The following DGKH variants were observed in gnomAD, a reference collection of about 807,000 sequenced individuals.
DGKH encodes the protein DAG kinase eta.
Under a neutral mutation model 159.3 loss-of-function variants are expected in DGKH, and 90 were observed. That is an observed-to-expected ratio of 0.57 (90% CI 0.48 to 0.67). The LOEUF (loss-of-function observed/expected upper bound fraction) is 0.67. DGKH is among the 30% of genes least tolerant of loss of function. DGKH has a pLI of 0.00. For synonymous variants in DGKH, 536 were observed against 553.8 expected (o/e 0.97, Z 0.45); for missense variants, 1,181 against 1,506.1 (o/e 0.78, Z 3.57).
chr13:42,194,761 A>G lies in DGKH; in HGVS notation c.2036-124A>G, dbSNP rs977681991. ...TCTCAAGAAAATGTAAACGATAGCT[A>G]TGCATAATATTTTCATTTCTACTGA... On this transcript the variant is annotated intron_variant, in intron 16 of 29. Transcript: ENST00000337343. 6 of 1,112,868 alleles carry G rather than the reference A, an allele frequency of 5.4e-6. No homozygotes were observed. The Admixed American group carries it at 9.0e-5, about 17-fold the overall frequency. The allele number at this position is 1,112,868 out of a possible 1,614,324, so 68.9% of individuals were successfully genotyped here.
intron 1 of DGKH, among the ~76,000 whole-genome samples, chr13:42,099,894 A>C (rs2137770746): frequency 6.6e-6 from 1 of 152,314 alleles, no homozygotes; most frequent in East Asian, 1.9e-4. Flanking sequence ...GGGGTCTATA[A>C]GAATTGTTCT....
rs1020572101 is a variant in DGKH at position 42,237,497 on chromosome 13, A to G, written c.*8309A>G. 5 of 152,262 alleles carry G rather than the reference A, an allele frequency of 3.3e-5. No homozygotes were observed. The highest frequency in any genetic ancestry group is 1.2e-4 in the African/African-American group (5 of 41,478). 9.4% of individuals were successfully genotyped at this position (152,262 alleles called of 1,614,324 possible). A position where few individuals can be genotyped will look rare whatever the true frequency, so the allele number is the denominator to read the frequency against. On this transcript the variant is annotated 3_prime_UTR_variant, in exon 30 of 30. Coordinates refer to ENST00000337343, the MANE Select transcript of DGKH (RefSeq NM_178009.5). ...AAAGATTTGGGAACAAATAGTTTGA[A>G]CATAGATTTCTTTCACCTTATATGA...
chr13:42,068,968 T>A (rs1002093604), intron 1 of DGKH: 18 of 1,482,930 alleles, frequency 1.2e-5, no homozygotes, highest in Non-Finnish European at 1.7e-5. Flanking sequence ...GTATGTTTGA[T>A]GAGGAATTTG....
In DGKH at chr13:42,166,542, G is replaced by A. The variant is rs139002109; in HGVS notation, c.986G>A (p.Cys329Tyr). ...DGFCRATFSF[C>Y]VSPLLVFVNS... is the part of the protein sequence containing the mutation. Reference sequence around the variant, plus strand: ...TTCTGTAGAGCAACATTTTCGTTCTGTGTTAGTCCTCTATTGGTTTTTGTC... The same window carrying A: ...TTCTGTAGAGCAACATTTTCGTTCTATGTTAGTCCTCTATTGGTTTTTGTC... The change falls in exon 9 of 30, where the codon TGT becomes TAT. Residue 329 changes from cysteine to tyrosine, a missense_variant. Coordinates refer to ENST00000337343, the MANE Select transcript of DGKH (RefSeq NM_178009.5). The A allele has an allele frequency of 2.6e-5, 42 of 1,589,138 alleles. No homozygotes were observed. In the African/African-American group the frequency reaches 3.9e-4, roughly 15 times the overall value.
intron 1 of DGKH, among the ~76,000 whole-genome samples, chr13:42,098,486 C>CA (rs201346298): frequency 0.16 from 22,490 of 142,184 alleles, 1,770 homozygotes; most frequent in Admixed American, 0.24. Flanking sequence ...GACTCTGTCT[C>CA]AAAAAAAAAA....
chr13:42,163,470 TC>T (rs1956240766), intron 7 of DGKH, among the ~76,000 whole-genome samples: 1 of 152,122 alleles, frequency 6.6e-6, no homozygotes, highest in African/African-American at 2.4e-5. Flanking sequence ...CAGGTTACAG[TC>T]CCACCAACAG....
intron 20 of DGKH, among the ~76,000 whole-genome samples, chr13:42,200,781 A>T (rs1458797812): frequency 1.3e-5 from 2 of 152,204 alleles, no homozygotes; most frequent in African/African-American, 2.4e-5. Flanking sequence ...CACTCTAAAC[A>T]TACAACTGTA....
chr13:42,068,278 G>C (rs1306368808), intron 1 of DGKH, among the ~76,000 whole-genome samples: 1 of 152,142 alleles, frequency 6.6e-6, no homozygotes, highest in Non-Finnish European at 1.5e-5. Context: ...AAATAAATAA[G>C]ATGTGATGTA....
intron 1 of DGKH, among the ~76,000 whole-genome samples, chr13:42,049,559 G>A (rs1205616871): frequency 6.6e-6 from 1 of 152,236 alleles, no homozygotes; most frequent in African/African-American, 2.4e-5. Flanking sequence ...CTGGAAGGCA[G>A]AAGCCCCGAG....
At chr13:42,071,102 C>G (rs993608822) in intron 1 of DGKH, 1 of 944,042 alleles carries the variant, frequency 1.1e-6, no homozygotes, top group African/African-American at 1.7e-5. Flanking sequence ...ACTTTGAAAC[C>G]CTTATGATTG....
intron 7 of DGKH, among the ~76,000 whole-genome samples, chr13:42,162,075 A>G (rs764165502): frequency 8.5e-5 from 13 of 152,094 alleles, no homozygotes; most frequent in Non-Finnish European, 1.9e-4. Context: ...CTCAAATTTC[A>G]CCTTGTGACA....
intron 17 of DGKH, among the ~76,000 whole-genome samples, chr13:42,197,880 A>C (rs1222984816): frequency 1.3e-5 from 2 of 152,214 alleles, no homozygotes; most frequent in African/African-American, 4.8e-5. Context: ...TGTAACAGTT[A>C]GAAAACTAGT....
intron 1 of DGKH, among the ~76,000 whole-genome samples, chr13:42,076,238 T>G (rs537358162): frequency 6.6e-6 from 1 of 152,342 alleles, no homozygotes; most frequent in Non-Finnish European, 1.5e-5. Flanking sequence ...TTGCAGCCTG[T>G]GTAACAGACT....
rs114393640 is a variant in DGKH, at chr13:42,180,234, T to C, written c.1538+2014T>C. ...ACTGGGCCTGGGATGAGAAAGACAA[T>C]AGGGAGTGCTAAAGCCTGGGACAAA... is the stretch of plus-strand genomic sequence containing the variant. On this transcript the variant is annotated intron_variant, in intron 13 of 29. Transcript: ENST00000337343. Among the ~76,000 whole-genome samples the C allele has an allele frequency of 1.9e-3, 289 of 152,274 alleles. 2 individuals carry two copies. The highest frequency in any genetic ancestry group is 6.2e-3 in the African/African-American group (259 of 41,534).
At chr13:42,085,357 AC>A (rs1884357537) in intron 1 of DGKH, among the ~76,000 whole-genome samples, 1 of 151,918 alleles carries the variant, frequency 6.6e-6, no homozygotes, top group African/African-American at 2.4e-5. Flanking sequence ...CTGCCTGTGA[AC>A]CTCTCTAGAA....
chr13:42,073,351 A>G (rs931328079), intron 1 of DGKH, among the ~76,000 whole-genome samples: 1 of 152,372 alleles, frequency 6.6e-6, no homozygotes, highest in Middle Eastern at 3.4e-3. Context: ...GGAGACAGCT[A>G]TATGTACAGA....
intron 20 of DGKH, 98 bp downstream of exon 20, chr13:42,200,007 T>C: frequency 1.0e-6 from 1 of 952,886 alleles, no homozygotes; most frequent in Non-Finnish European, 1.5e-6. Flanking sequence ...GATTAGCAAT[T>C]AAATAAATAT....
At chr13:42,219,156 T>C (rs1957896120) in intron 26 of DGKH, 74 bp from the exon 27 acceptor site, 2 of 1,576,706 alleles carry the variant, frequency 1.3e-6, no homozygotes, top group African/African-American at 1.4e-5. Flanking sequence ...ACTGTCAAAG[T>C]ACAATGATTT....
intron 3 of DGKH, among the ~76,000 whole-genome samples, chr13:42,139,488 C>T (rs1020294300): frequency 6.6e-6 from 1 of 152,182 alleles, no homozygotes; most frequent in Non-Finnish European, 1.5e-5. Flanking sequence ...GTCAGGGTGT[C>T]ATGATCATTT....
Sources: allele counts gnomAD v4.1 joint callset (sites outside exome capture counted in the v4.1 genomes callset), GRCh38; gene constraint gnomAD v4.1.1; transcripts MANE v1.5; gene names NCBI Gene and HGNC (gene_info 2026-07-23, HGNC 2026-07-21).